PDK1: variants seen among roughly 807,000 people sequenced by gnomAD.
The protein encoded by PDK1 is [Pyruvate dehydrogenase (acetyl-transferring)] kinase isozyme 1, mitochondrial.
A neutral mutation model predicts 54.2 loss-of-function variants in PDK1; 39 were observed. The observed-to-expected ratio is 0.72, with a 90% confidence interval of 0.56 to 0.94. The LOEUF is 0.94. Among genes scored for constraint, PDK1 ranks in the 40% least tolerant of loss-of-function variants. The pLI, the probability that PDK1 is intolerant of heterozygous loss-of-function variation, is 0.00. For synonymous variants in PDK1, 221 were observed against 207.1 expected (o/e 1.07, Z -0.58); for missense variants, 552 against 566.0 (o/e 0.98, Z 0.25).
the PDK1 span, among the ~76,000 whole-genome samples, chr2:172,711,759 G>A: frequency 4.0e-5 from 6 of 151,246 alleles, no homozygotes; most frequent in South Asian, 4.2e-4. Context: ...CCAGCTACTC[G>A]GGAGGATAAG....
chr2:172,697,154 A>G, the PDK1 span, among the ~76,000 whole-genome samples: 3 of 152,022 alleles, frequency 2.0e-5, no homozygotes, highest in Admixed American at 1.3e-4. Flanking sequence ...AATGCTACCC[A>G]TTTGCTGCCT....
chr2:172,659,397 A>T, the PDK1 span, among the ~76,000 whole-genome samples: 1 of 152,168 alleles, frequency 6.6e-6, no homozygotes, highest in Non-Finnish European at 1.5e-5. Context: ...TGTTCCATTC[A>T]GTATATAAGT....
chr2:172,565,923 AT>A (rs1482184362), intron 5 of PDK1, among the ~76,000 whole-genome samples: 1 of 152,042 alleles, frequency 6.6e-6, no homozygotes, highest in African/African-American at 2.4e-5. Context: ...GGTTGTTTTA[AT>A]TTTTTTCTGT....
the PDK1 span, among the ~76,000 whole-genome samples, chr2:172,679,981 C>T: frequency 1.3e-5 from 2 of 152,146 alleles, no homozygotes; most frequent in African/African-American, 4.8e-5. Flanking sequence ...TTCAGAGACA[C>T]AAGAAATACC....
chr2:172,621,582 A>G, the PDK1 span, among the ~76,000 whole-genome samples: 1 of 146,864 alleles, frequency 6.8e-6, no homozygotes, highest in African/African-American at 2.5e-5. Flanking sequence ...TATATATGAT[A>G]TATGTTTATA....
At chr2:172,652,367 G>A in the PDK1 span, among the ~76,000 whole-genome samples, 1 of 152,144 alleles carries the variant, frequency 6.6e-6, no homozygotes, top group South Asian at 2.1e-4. Flanking sequence ...ATATCATACT[G>A]AATGGGCAAA....
rs551985643 is a variant in PDK1 at position 172,577,301 on chromosome 2, A to G, written c.945+6477A>G. On this transcript the variant is annotated intron_variant, in intron 8 of 10. Coordinates refer to ENST00000282077, the MANE Select transcript of PDK1 (RefSeq NM_002610.5). ...TTCTGTTTTCATAGTGTAACTTTCC[A>G]GACTTTTAGTTTAAACCTCTTTGTG... Among the ~76,000 whole-genome samples, 3 of 152,268 alleles carry G rather than the reference A, an allele frequency of 2.0e-5. No homozygotes were observed. In the East Asian group the frequency reaches 5.8e-4, roughly 29 times the overall value.
chr2:172,602,049 A>AT lies in PDK1; in HGVS notation c.*6085dup, dbSNP rs1277712854. ...CACAAGTCCACCTCGCCAAAAGACA[A>AT]TTTTTGAAAGATGAATGTTACCAAA... On this transcript the variant is annotated 3_prime_UTR_variant, in exon 11 of 11. Transcript: ENST00000282077. 1.3e-5 allele frequency: 2 copies of AT among 152,190 alleles called. No individual in the cohort carries two copies. Among genetic ancestry groups the AT allele is most frequent in the African/African-American group, 4.8e-5 (2 of 41,450 alleles). 9.4% of individuals were successfully genotyped at this position (152,190 alleles called of 1,614,324 possible).
intron 2 of PDK1, 89 bp from the exon 3 acceptor site, chr2:172,562,131 A>G (rs1374724259): frequency 4.1e-6 from 3 of 730,142 alleles, no homozygotes; most frequent in Non-Finnish European, 7.1e-6. Context: ...AAATTATAAA[A>G]TGCTAAAAAT....
At chr2:172,718,942 T>C in the PDK1 span, among the ~76,000 whole-genome samples, 1 of 152,374 alleles carries the variant, frequency 6.6e-6, no homozygotes, top group Admixed American at 6.5e-5. Context: ...TTCAAGATAT[T>C]GAACAGTTCC....
the PDK1 span, among the ~76,000 whole-genome samples, chr2:172,701,631 GTTTTTTTTTTTGTTTTGT>G: frequency 0.039 from 4,980 of 128,562 alleles, 268 homozygotes; most frequent in African/African-American, 0.14. Flanking sequence ...AGTTTATCCT[GTTTTTTTTTTTGTTTTGT>G]TTTTTTTTTT....
Position 172,570,796 on chromosome 2 carries a change from C to T in PDK1, c.917C>T (p.Thr306Met), listed in dbSNP as rs747065219. 1.4e-5 allele frequency: 23 copies of T among 1,608,440 alleles called. No homozygotes were observed. The highest frequency in any genetic ancestry group is 2.2e-5 in the East Asian group (1 of 44,820). Residue 306 changes from threonine (T) to methionine (M), a missense_variant, in exon 8 of 11, where the codon ACG (threonine) becomes ATG (methionine). Coordinates refer to ENST00000282077, the MANE Select transcript of PDK1 (RefSeq NM_002610.5). ...TACCCCCCTATTCAAGTTCATGTCA[C>T]GCTGGGTAATGAGGATTTGACTGTG... is the stretch of plus-strand genomic sequence containing the variant. ...GVYPPIQVHV[T>M]LGNEDLTVKM... is the part of the protein sequence containing the mutation.
the PDK1 span, among the ~76,000 whole-genome samples, chr2:172,701,210 G>C: frequency 5.9e-5 from 9 of 152,114 alleles, no homozygotes; most frequent in African/African-American, 2.2e-4. Flanking sequence ...CCAGACACAA[G>C]CACTATCTGC....
the PDK1 span, among the ~76,000 whole-genome samples, chr2:172,647,021 A>T: frequency 3.3e-5 from 5 of 151,912 alleles, no homozygotes; most frequent in Non-Finnish European, 5.9e-5. Flanking sequence ...ACAGGAGTGA[A>T]CCACCATGCC....
Position 172,570,778 on chromosome 2 carries a change from CT to C in PDK1, c.900del (p.Ile301PhefsTer12), listed in dbSNP as rs1489479591. On this transcript the variant is annotated frameshift_variant, in exon 8 of 11. Transcript: ENST00000282077. LOFTEE classifies it high-confidence loss of function. ...EHHANRGVYP[P>X]IQVHVTLGNE... Reference sequence around the variant, plus strand: ...CATGCCAACAGAGGTGTTTACCCCCCTATTCAAGTTCATGTCACGCTGGGTA... The same window carrying C: ...CATGCCAACAGAGGTGTTTACCCCCCATTCAAGTTCATGTCACGCTGGGTA... 5 of 1,612,016 alleles carry C rather than the reference CT, an allele frequency of 3.1e-6. No individual in the cohort carries two copies. The highest frequency in any genetic ancestry group is 2.2e-5 in the South Asian group (2 of 90,986).
At chr2:172,622,208 TGA>T in the PDK1 span, among the ~76,000 whole-genome samples, 3 of 147,892 alleles carry the variant, frequency 2.0e-5, no homozygotes, top group Non-Finnish European at 3.0e-5. Flanking sequence ...GTTTATATCA[TGA>T]GAGATATGTT....
chr2:172,640,729 A>G, the PDK1 span, among the ~76,000 whole-genome samples: 2 of 152,226 alleles, frequency 1.3e-5, no homozygotes, highest in Admixed American at 6.5e-5. Flanking sequence ...TTAAAAATAG[A>G]AACAGGAAGA....
At chr2:172,593,101 T>C in intron 10 of PDK1, 53 bp downstream of exon 10, 1 of 907,016 alleles carries the variant, frequency 1.1e-6, no homozygotes, top group East Asian at 2.5e-5. Flanking sequence ...TAAGAACAGA[T>C]GTCCATACTT....
chr2:172,665,224 C>T, the PDK1 span, among the ~76,000 whole-genome samples: 2 of 151,920 alleles, frequency 1.3e-5, no homozygotes, highest in African/African-American at 2.4e-5. Context: ...TGATTGCCCC[C>T]TTTAAATTGC....
Sources: gnomAD v4.1 joint callset for allele counts (sites outside exome capture counted in the v4.1 genomes callset) on GRCh38, gnomAD v4.1.1 for gene constraint, MANE v1.5 for transcripts, NCBI Gene and HGNC (gene_info 2026-07-23, HGNC 2026-07-21) for gene names.